The following NME7 variants were observed in gnomAD, a reference collection of about 807,000 sequenced individuals.
The protein encoded by NME7 is nucleoside diphosphate kinase 7.
Under a neutral mutation model 49.1 loss-of-function variants are expected in NME7, and 41 were observed. The ratio of observed to expected loss-of-function variants is 0.83; its 90% CI spans 0.65 to 1.08. The LOEUF (loss-of-function observed/expected upper bound fraction) is 1.08. NME7 is among the 50% of genes least tolerant of loss of function. The pLI, the probability that NME7 is intolerant of heterozygous loss-of-function variation, is 0.00. For missense variants in NME7, 423 were observed against 463.4 expected (o/e 0.91, Z 0.80); for synonymous variants, 139 against 150.6 (o/e 0.92, Z 0.56).
At chr1:169,293,705 G>GTT (rs1650602062) in intron 6 of NME7, among the ~76,000 whole-genome samples, 1 of 151,928 alleles carries the variant, frequency 6.6e-6, no homozygotes, top group African/African-American at 2.4e-5. Flanking sequence ...TCATAAGTTT[G>GTT]TTAAACTTCA....
At chr1:169,349,712 A>AGAT (rs1172303033) in intron 1 of NME7, among the ~76,000 whole-genome samples, 2 of 152,242 alleles carry the variant, frequency 1.3e-5, no homozygotes, top group East Asian at 3.9e-4. Context: ...TCATTTTATC[A>AGAT]AGCTCCTTAC....
chr1:169,150,220 G>C (rs946911663), intron 11 of NME7, among the ~76,000 whole-genome samples: 2 of 152,088 alleles, frequency 1.3e-5, no homozygotes, highest in Non-Finnish European at 2.9e-5. Context: ...CTGTATGTCT[G>C]TATGTGTGTG....
intron 11 of NME7, among the ~76,000 whole-genome samples, chr1:169,165,298 AAAAT>A (rs150919885): frequency 0.33 from 50,075 of 150,292 alleles, 9,114 homozygotes; most frequent in East Asian, 0.73. Context: ...GTTTGCTATA[AAAAT>A]AAATAAATAA....
At chr1:169,180,501 TTTAAAGG>T (rs1447727832) in intron 10 of NME7, among the ~76,000 whole-genome samples, 2 of 152,202 alleles carry the variant, frequency 1.3e-5, no homozygotes, top group African/African-American at 4.8e-5. Context: ...GCAAACTCTC[TTTAAAGG>T]TTAATTTCCT....
intron 3 of NME7, among the ~76,000 whole-genome samples, chr1:169,311,413 T>A (rs1651384009): frequency 1.5e-5 from 1 of 68,214 alleles, no homozygotes. Flanking sequence ...CGAGACTCCA[T>A]CTCAAAAAAA....
chr1:169,340,030 A>AC (rs367620112), intron 1 of NME7, among the ~76,000 whole-genome samples: 3 of 152,138 alleles, frequency 2.0e-5, no homozygotes, highest in African/African-American at 7.2e-5. Flanking sequence ...TGCTTCCTGT[A>AC]CCATCCCTTG....
intron 6 of NME7, among the ~76,000 whole-genome samples, chr1:169,296,172 T>A (rs1650698418): frequency 6.6e-6 from 1 of 152,168 alleles, no homozygotes; most frequent in Non-Finnish European, 1.5e-5. Context: ...AAAAGTTGTC[T>A]ATATTCACTA....
intron 10 of NME7, among the ~76,000 whole-genome samples, chr1:169,189,972 C>T (rs1171561537): frequency 6.6e-6 from 1 of 152,008 alleles, no homozygotes; most frequent in Non-Finnish European, 1.5e-5. Flanking sequence ...AAAAGTTTTG[C>T]TATTGAGAGA....
intron 1 of NME7, among the ~76,000 whole-genome samples, chr1:169,341,134 C>T (rs545414429): frequency 6.6e-6 from 1 of 152,166 alleles, no homozygotes; most frequent in Admixed American, 6.5e-5. Context: ...ACCTGGAAGG[C>T]TAGGAGAGAA....
At chr1:169,353,564 T>A (rs1417131546) in intron 1 of NME7, among the ~76,000 whole-genome samples, 1 of 151,918 alleles carries the variant, frequency 6.6e-6, no homozygotes, top group Non-Finnish European at 1.5e-5. Context: ...CACATCAAGT[T>A]AAAAAGCTTC....
intron 10 of NME7, among the ~76,000 whole-genome samples, chr1:169,183,267 T>A (rs1359248518): frequency 6.6e-6 from 1 of 152,322 alleles, no homozygotes; most frequent in East Asian, 1.9e-4. Flanking sequence ...CTGGTGAATA[T>A]CCATAGCATA....
chr1:169,281,888 G>C (rs34248820), intron 7 of NME7, among the ~76,000 whole-genome samples: 36,689 of 152,104 alleles, frequency 0.24, 5,460 homozygotes, highest in Non-Finnish European at 0.34. Context: ...ATGTTCATCA[G>C]GGATATTGGC....
chr1:169,259,449 T>G (rs953211091), intron 7 of NME7, among the ~76,000 whole-genome samples: 1 of 134,510 alleles, frequency 7.4e-6, no homozygotes, highest in Non-Finnish European at 1.7e-5. Context: ...TCATTCATTT[T>G]GTTGTGTTTC....
At chr1:169,323,402 C>T in intron 2 of NME7, 119 bp from the exon 3 acceptor site, 3 of 774,528 alleles carry the variant, frequency 3.9e-6, no homozygotes, top group Non-Finnish European at 5.5e-6. Context: ...AGGTTATATT[C>T]TGTTTCTTTT....
chr1:169,136,524 G>A (rs898639411), intron 11 of NME7, among the ~76,000 whole-genome samples: 2 of 152,064 alleles, frequency 1.3e-5, no homozygotes, highest in African/African-American at 4.8e-5. Flanking sequence ...GGGTCACAGG[G>A]GAGTGTCCAA....
intron 10 of NME7, among the ~76,000 whole-genome samples, chr1:169,223,543 A>G (rs1422674581): frequency 6.6e-6 from 1 of 152,162 alleles, no homozygotes; most frequent in African/African-American, 2.4e-5. Context: ...TTTCGATTCA[A>G]CTAGTGGAAC....
intron 11 of NME7, among the ~76,000 whole-genome samples, chr1:169,151,745 T>A (rs1356666665): frequency 6.6e-6 from 1 of 152,144 alleles, no homozygotes; most frequent in African/African-American, 2.4e-5. Flanking sequence ...GAGGGCCTCT[T>A]GGTAGAGATG....
rs112941548 is a variant in NME7, at chr1:169,268,608, A to G, written c.754+18695T>C. 3.0e-5 allele frequency among the ~76,000 whole-genome samples: 4 copies of G among 133,968 alleles called. 1 individual carries two copies. The highest frequency in any genetic ancestry group is 1.0e-4 in the African/African-American group (4 of 39,628). The allele number at this position is 133,968 out of a possible 152,430, so 87.9% of individuals were successfully genotyped here. A position where few individuals can be genotyped will look rare whatever the true frequency, so the allele number is the denominator to read the frequency against. On this transcript the variant is annotated intron_variant, in intron 7 of 11. Coordinates refer to ENST00000367811, the MANE Select transcript of NME7 (RefSeq NM_013330.5). Reference sequence around the variant, plus strand: ...CACCATGGAATACTCTGCAGCCATTAACAAAAAAAATGAGATCATGTCCTT... The same window carrying G: ...CACCATGGAATACTCTGCAGCCATTGACAAAAAAAATGAGATCATGTCCTT...
chr1:169,135,376 T>C (rs1658399544), intron 11 of NME7, among the ~76,000 whole-genome samples: 1 of 152,196 alleles, frequency 6.6e-6, no homozygotes, highest in South Asian at 2.1e-4. Flanking sequence ...CTTAAACTCC[T>C]GGCTTCTTAA....
Sources: gnomAD v4.1 joint callset for allele counts (sites outside exome capture counted in the v4.1 genomes callset) on GRCh38, gnomAD v4.1.1 for gene constraint, MANE v1.5 for transcripts, NCBI Gene and HGNC (gene_info 2026-07-23, HGNC 2026-07-21) for gene names.